LSM12: variants seen among roughly 807,000 people sequenced by gnomAD.
The protein encoded by LSM12 is protein LSM12.
For synonymous variants in LSM12, 74 were observed against 87.3 expected (o/e 0.85, Z 0.85); for missense variants, 108 against 238.9 (o/e 0.45, Z 3.61).
In LSM12 at chr17:44,066,454, G is replaced by A. The variant is rs752012147; in HGVS notation, c.124+10C>T. ...CGGCCCGGACTCGGGCTTCACGCAG[G>A]GAAGGATACTTAAAGCCAGCATTTT... is the stretch of plus-strand genomic sequence containing the variant. On this transcript the variant is annotated intron_variant, in intron 1 of 4. Transcript: ENST00000293406. 2.6e-6 allele frequency: 4 copies of A among 1,558,844 alleles called. No individual in the cohort carries two copies. The highest frequency in any genetic ancestry group is 2.8e-5 in the African/African-American group (2 of 71,298).
intron 3 of LSM12, among the ~76,000 whole-genome samples, chr17:44,038,475 G>A (rs561401916): frequency 6.6e-6 from 1 of 151,920 alleles, no homozygotes; most frequent in South Asian, 2.1e-4. Context: ...TGGTCAACAT[G>A]ATGAAACTGT....
chr17:44,058,514 C>CCA (rs1278761140), intron 2 of LSM12, among the ~76,000 whole-genome samples: 1 of 151,816 alleles, frequency 6.6e-6, no homozygotes, highest in African/African-American at 2.4e-5. Flanking sequence ...CCATCCTGGG[C>CCA]CACACAGTAA....
intron 2 of LSM12, among the ~76,000 whole-genome samples, chr17:44,044,280 C>G (rs1303093175): frequency 2.0e-5 from 3 of 152,140 alleles, no homozygotes; most frequent in African/African-American, 7.2e-5. Context: ...AGAAGTGATT[C>G]TTTAGACAGG....
chr17:44,042,066 C>G (rs2049502526), intron 2 of LSM12, among the ~76,000 whole-genome samples: 1 of 152,126 alleles, frequency 6.6e-6, no homozygotes, highest in Non-Finnish European at 1.5e-5. Flanking sequence ...GCAGGCGGAT[C>G]ACCTGAGGTC....
At chr17:44,041,214 T>C (rs1442932784) in intron 2 of LSM12, among the ~76,000 whole-genome samples, 1 of 149,476 alleles carries the variant, frequency 6.7e-6, no homozygotes, top group Non-Finnish European at 1.5e-5. Context: ...GATGTTGCAG[T>C]GTGCCGAGAT....
At chr17:44,065,411 A>G (rs2046797682) in intron 1 of LSM12, among the ~76,000 whole-genome samples, 1 of 148,994 alleles carries the variant, frequency 6.7e-6, no homozygotes, top group Admixed American at 6.8e-5. Flanking sequence ...ACCGCACTCC[A>G]TCCTAGCGAC....
chr17:44,049,726 T>C (rs540292350), intron 2 of LSM12, among the ~76,000 whole-genome samples: 1 of 152,336 alleles, frequency 6.6e-6, no homozygotes, highest in East Asian at 1.9e-4. Flanking sequence ...TATTTCCACA[T>C]GCCCAGACCA....
intron 2 of LSM12, among the ~76,000 whole-genome samples, chr17:44,060,802 A>G (rs529611269): frequency 6.6e-6 from 1 of 152,192 alleles, no homozygotes; most frequent in Non-Finnish European, 1.5e-5. Flanking sequence ...GAGGTCAAAC[A>G]TAAGAAGAGA....
intron 2 of LSM12, among the ~76,000 whole-genome samples, chr17:44,046,632 A>C: frequency 7.0e-6 from 1 of 143,046 alleles, no homozygotes; most frequent in East Asian, 2.3e-4. Context: ...GCGTGAACTC[A>C]GGAGGCGGAG....
chr17:44,048,115 T>C (rs1000103326), intron 2 of LSM12, among the ~76,000 whole-genome samples: 1 of 152,052 alleles, frequency 6.6e-6, no homozygotes, highest in African/African-American at 2.4e-5. Context: ...CTCTGTAAGA[T>C]GTATGTTTTG....
At chr17:44,065,269 T>C (rs760842022) in intron 1 of LSM12, among the ~76,000 whole-genome samples, 6 of 149,816 alleles carry the variant, frequency 4.0e-5, no homozygotes, top group Non-Finnish European at 5.9e-5. Flanking sequence ...CCCATCTCTG[T>C]TAAAAAAAAA....
At position 44,052,304 on chromosome 17, in the gene LSM12, C is replaced by T. The variant is rs550108658; in HGVS notation, c.258+11497G>A. ...CCAGCCTGGGCAACACAGTGAGACCCTGTTTCTACAAAAAAAAAAATTAAA... is the reference window on the plus strand; with the variant it reads ...CCAGCCTGGGCAACACAGTGAGACCTTGTTTCTACAAAAAAAAAAATTAAA... On this transcript the variant is annotated intron_variant, in intron 2 of 4. Coordinates refer to ENST00000293406, the MANE Select transcript of LSM12 (RefSeq NM_001371445.1). Among the ~76,000 whole-genome samples, 500 of 150,994 alleles carry T rather than the reference C, an allele frequency of 3.3e-3. 2 individuals carry two copies. The highest frequency in any genetic ancestry group is 0.012 in the African/African-American group (478 of 41,168).
chr17:44,044,849 A>C (rs2049540476), intron 2 of LSM12, among the ~76,000 whole-genome samples: 1 of 152,122 alleles, frequency 6.6e-6, no homozygotes, highest in Non-Finnish European at 1.5e-5. Flanking sequence ...TACAAATCTA[A>C]ATTTTCCCAC....
intron 3 of LSM12, among the ~76,000 whole-genome samples, chr17:44,037,851 C>A (rs554412390): frequency 2.0e-5 from 3 of 152,304 alleles, no homozygotes; most frequent in Admixed American, 6.5e-5. Context: ...CAGCCTAGGG[C>A]AGAGGCTGGC....
At position 44,034,672 on chromosome 17, in the gene LSM12, AAAT is replaced by A. The variant is rs1157659739; in HGVS notation, c.*1533_*1535del. 5.3e-5 allele frequency: 8 copies of A among 151,740 alleles called. No homozygotes were observed. The highest frequency in any genetic ancestry group is 1.9e-4 in the African/African-American group (8 of 41,068). The allele number at this position is 151,740 out of a possible 1,614,324, so 9.4% of individuals were successfully genotyped here. ...AAATTTGGGTTTTATTGTTTTTGCT[AAAT>A]AATACTAAAAAAAAAATTTCATTTT... On this transcript the variant is annotated 3_prime_UTR_variant, in exon 5 of 5. Coordinates refer to ENST00000293406, the MANE Select transcript of LSM12 (RefSeq NM_001371445.1).
At chr17:44,041,128 G>A (rs983901386) in intron 2 of LSM12, among the ~76,000 whole-genome samples, 4 of 150,268 alleles carry the variant, frequency 2.7e-5, no homozygotes, top group Admixed American at 1.3e-4. Flanking sequence ...AAAATTAGCC[G>A]GGCATGGTGG....
chr17:44,055,892 T>C (rs2049707127), intron 2 of LSM12, among the ~76,000 whole-genome samples: 1 of 151,480 alleles, frequency 6.6e-6, no homozygotes, highest in South Asian at 2.1e-4. Flanking sequence ...CAGAAAGCCA[T>C]AGGGTTATAC....
In LSM12 at chr17:44,039,306, C is replaced by T. The variant is rs530575408; in HGVS notation, c.368+841G>A. On this transcript the variant is annotated intron_variant, in intron 3 of 4. Transcript: ENST00000293406. ...CCGACCTCAGGTGAACCGCCCACCT[C>T]GGCCTCCCAAAGTGCTGGGATTACA... Among the ~76,000 whole-genome samples, 39 of 150,334 alleles carry T rather than the reference C, an allele frequency of 2.6e-4. 1 individual carries two copies. Among genetic ancestry groups the T allele is most frequent in the African/African-American group, 9.5e-4 (39 of 41,072 alleles).
chr17:44,055,780 A>C (rs2049705849), intron 2 of LSM12, among the ~76,000 whole-genome samples: 1 of 148,662 alleles, frequency 6.7e-6, no homozygotes, highest in Non-Finnish European at 1.5e-5. Context: ...TATAACCAAG[A>C]GCCCTGCTAA....
Sources: gnomAD v4.1 joint callset for allele counts (sites outside exome capture counted in the v4.1 genomes callset) on GRCh38, gnomAD v4.1.1 for gene constraint, MANE v1.5 for transcripts, NCBI Gene and HGNC (gene_info 2026-07-23, HGNC 2026-07-21) for gene names.